Variants in SND1 observed in about 807,000 individuals in gnomAD.
SND1 encodes staphylococcal nuclease domain-containing protein 1.
A neutral mutation model predicts 121.7 loss-of-function variants in SND1; 38 were observed. The ratio of observed to expected loss-of-function variants is 0.31; its 90% confidence interval spans 0.24 to 0.41. SND1 has a LOEUF of 0.41. SND1 is among the 10% of genes least tolerant of loss of function. The pLI is 1.00. For synonymous variants in SND1, 401 were observed against 447.4 expected (o/e 0.90, Z 1.31); for missense variants, 868 against 1,184.6 (o/e 0.73, Z 3.92).
chr7:127,938,314 G>A (rs1801108199), intron 15 of SND1, among the ~76,000 whole-genome samples: 1 of 152,196 alleles, frequency 6.6e-6, no homozygotes, highest in Non-Finnish European at 1.5e-5. Context: ...ATTAAGAAAA[G>A]TAGTCTTCAA....
At chr7:127,693,873 C>T (rs1361487917) in intron 2 of SND1, among the ~76,000 whole-genome samples, 2 of 152,156 alleles carry the variant, frequency 1.3e-5, no homozygotes, top group African/African-American at 4.8e-5. Context: ...CCAGTGGCCA[C>T]TGTGCCAATG....
At chr7:127,883,411 A>G (rs1238138015) in intron 12 of SND1, among the ~76,000 whole-genome samples, 2 of 152,140 alleles carry the variant, frequency 1.3e-5, no homozygotes, top group African/African-American at 4.8e-5. Context: ...ACAATTGATA[A>G]TTTGTCTAAA....
At chr7:127,901,273 C>T (rs1030458313) in intron 13 of SND1, among the ~76,000 whole-genome samples, 1 of 152,074 alleles carries the variant, frequency 6.6e-6, no homozygotes, top group Non-Finnish European at 1.5e-5. Context: ...ATCCTCATAG[C>T]CTGGAATAAA....
chr7:127,990,004 G>A (rs1406529181), intron 15 of SND1, among the ~76,000 whole-genome samples: 1 of 152,202 alleles, frequency 6.6e-6, no homozygotes, highest in Non-Finnish European at 1.5e-5. Flanking sequence ...CAAAAAAAGA[G>A]TATGAAGGAT....
Position 128,092,058 on chromosome 7 carries a change from A to G in SND1, c.2733A>G (p.Ter911=). 6.2e-7 allele frequency: 1 copy of G among 1,614,014 alleles called. No homozygotes were observed. The highest frequency in any genetic ancestry group is 1.1e-5 in the South Asian group (1 of 91,088). Residue 911 remains the stop codon, a stop_retained_variant, in exon 24 of 24, where the codon TAA becomes TAG. Transcript: ENST00000354725. The surrounding 1 kb of genome is among the most constrained non-coding windows in gnomAD (Gnocchi z 4.9). Reference sequence around the variant, plus strand: ...CAGACGAATTTGGCTACAGCCGCTAAGGAGGGGATCGGGTTTGGCCCCCAG... The same window carrying G: ...CAGACGAATTTGGCTACAGCCGCTAGGGAGGGGATCGGGTTTGGCCCCCAG... ...DDADEFGYSR[*]
chr7:127,667,524 G>A (rs1459700645), intron 1 of SND1, among the ~76,000 whole-genome samples: 2 of 152,286 alleles, frequency 1.3e-5, no homozygotes, highest in South Asian at 2.1e-4. Flanking sequence ...GGCTAGTAAC[G>A]CAGTAGCTGC....
chr7:127,768,440 T>C (rs753567514), intron 10 of SND1, among the ~76,000 whole-genome samples: 8 of 152,234 alleles, frequency 5.3e-5, no homozygotes, highest in Non-Finnish European at 1.0e-4. Flanking sequence ...CCATTTATAA[T>C]TGTGGCCTTG....
chr7:127,890,733 A>G (rs1016102468), intron 13 of SND1, among the ~76,000 whole-genome samples: 6 of 152,178 alleles, frequency 3.9e-5, no homozygotes, highest in African/African-American at 1.2e-4. Context: ...GCATTCATAG[A>G]TAGTGAAATT....
chr7:127,811,050 C>T (rs1043672220), intron 11 of SND1, among the ~76,000 whole-genome samples: 1 of 152,182 alleles, frequency 6.6e-6, no homozygotes, highest in African/African-American at 2.4e-5. Flanking sequence ...AAATATATGC[C>T]TATTGCTTTA....
chr7:127,781,387 C>G (rs1033047217), intron 10 of SND1, among the ~76,000 whole-genome samples: 21 of 152,134 alleles, frequency 1.4e-4, no homozygotes, highest in African/African-American at 4.6e-4. Context: ...CCCCGCCCCC[C>G]CTTCATTATA....
At chr7:127,970,100 T>A (rs1801949287) in intron 15 of SND1, among the ~76,000 whole-genome samples, 1 of 152,248 alleles carries the variant, frequency 6.6e-6, no homozygotes, top group Non-Finnish European at 1.5e-5. Context: ...AACTTTTAAT[T>A]GTATGTGAAC....
At chr7:127,871,029 A>C (rs1477630479) in intron 12 of SND1, among the ~76,000 whole-genome samples, 1 of 152,190 alleles carries the variant, frequency 6.6e-6, no homozygotes, top group Non-Finnish European at 1.5e-5. Context: ...TTTGTTGAAA[A>C]GTAAGACACA....
chr7:127,668,189 A>G (rs995870329), intron 1 of SND1, among the ~76,000 whole-genome samples: 1 of 152,228 alleles, frequency 6.6e-6, no homozygotes, highest in African/African-American at 2.4e-5. Context: ...GCATTTTTAC[A>G]AGATCCCCAG....
chr7:127,690,368 TC>T (rs1241635825), intron 2 of SND1, among the ~76,000 whole-genome samples: 6 of 152,206 alleles, frequency 3.9e-5, no homozygotes, highest in Admixed American at 6.5e-5. Context: ...ACTTAAGTCT[TC>T]CTACAGGCTG....
At chr7:127,930,120 T>C (rs1800930581) in intron 15 of SND1, among the ~76,000 whole-genome samples, 1 of 152,160 alleles carries the variant, frequency 6.6e-6, no homozygotes, top group Non-Finnish European at 1.5e-5. Context: ...GTCATTTTAC[T>C]TCCACCACCA....
At chr7:128,074,815 T>C in intron 17 of SND1, 125 bp downstream of exon 17, 1 of 945,410 alleles carries the variant, frequency 1.1e-6, no homozygotes, top group Non-Finnish European at 1.6e-6. Context: ...AAGGTGTTGG[T>C]CTCAGACCCC....
intron 11 of SND1, among the ~76,000 whole-genome samples, chr7:127,810,505 G>A (rs7785050): frequency 0.6 from 90,720 of 151,978 alleles, 27,489 homozygotes; most frequent in East Asian, 0.87. Context: ...TTTCTTCACA[G>A]GCTCATCATG....
intron 12 of SND1, among the ~76,000 whole-genome samples, chr7:127,884,637 G>T (rs1009402645): frequency 6.6e-6 from 1 of 152,028 alleles, no homozygotes; most frequent in Non-Finnish European, 1.5e-5. Flanking sequence ...CCTCCATTCT[G>T]CACAGGGGTT....
chr7:127,984,775 G>A (rs1257689812), intron 15 of SND1, among the ~76,000 whole-genome samples: 1 of 152,184 alleles, frequency 6.6e-6, no homozygotes, highest in Non-Finnish European at 1.5e-5. Flanking sequence ...GAGAGCAGAG[G>A]AATATCCATG....
Sources: gnomAD v4.1 joint callset for allele counts (sites outside exome capture counted in the v4.1 genomes callset) on GRCh38, gnomAD v4.1.1 for gene constraint, Gnocchi (gnomAD v3.1) non-coding constraint, MANE v1.5 for transcripts, NCBI Gene and HGNC (gene_info 2026-07-23, HGNC 2026-07-21) for gene names.